Variants in STRN observed in about 807,000 individuals in gnomAD.
STRN encodes the protein striatin, also known as protein phosphatase 2 regulatory subunit B'''alpha.
STRN carries 53 observed loss-of-function variants against 96.3 expected under a neutral mutation model. The ratio of observed to expected loss-of-function variants is 0.55; its 90% CI spans 0.44 to 0.69. The LOEUF is 0.69. Among genes scored for constraint, STRN ranks in the 30% least tolerant of loss-of-function variants. The pLI is 0.00. For missense variants in STRN, 987 were observed against 963.9 expected (o/e 1.02, Z -0.32); for synonymous variants, 428 against 355.9 (o/e 1.20, Z -2.28).
At chr2:36,932,317 G>A (rs1670596715) in intron 1 of STRN, among the ~76,000 whole-genome samples, 1 of 151,828 alleles carries the variant, frequency 6.6e-6, no homozygotes, top group African/African-American at 2.4e-5. Context: ...ACTGCGTCTG[G>A]CTAATTTTTG....
intron 8 of STRN, among the ~76,000 whole-genome samples, chr2:36,885,933 T>C (rs1256851864): frequency 6.6e-6 from 1 of 152,106 alleles, no homozygotes; most frequent in Non-Finnish European, 1.5e-5. Flanking sequence ...TAATTTAGCC[T>C]TGTTCCCCTA....
rs1340348722 is a variant in STRN, at chr2:36,842,024, CT to C, written c.*7431del. ...AAATAAACTGTTTCTGATAAAATTA[CT>C]TTTGCTCTAAGTTAATTTTGTTTAT... On this transcript the variant is annotated 3_prime_UTR_variant, in exon 18 of 18. Transcript: ENST00000263918. 6.6e-6 allele frequency: 1 copy of C among 152,194 alleles called. No individual in the cohort carries two copies. The highest frequency in any genetic ancestry group is 1.5e-5 in the Non-Finnish European group (1 of 68,044). 9.4% of individuals were successfully genotyped at this position (152,194 alleles called of 1,614,324 possible).
intron 3 of STRN, among the ~76,000 whole-genome samples, chr2:36,915,208 A>C (rs1670060950): frequency 7.1e-6 from 1 of 141,434 alleles, no homozygotes; most frequent in Non-Finnish European, 1.5e-5. Context: ...AAAAAAAAAA[A>C]AGGAAATTTA....
intron 1 of STRN, among the ~76,000 whole-genome samples, chr2:36,935,931 A>G (rs1195079755): frequency 6.6e-5 from 10 of 152,198 alleles, no homozygotes. Context: ...TGGCTATGAA[A>G]TGTGAATTAG....
At chr2:36,874,587 G>C (rs1244125933) in intron 10 of STRN, among the ~76,000 whole-genome samples, 1 of 151,556 alleles carries the variant, frequency 6.6e-6, no homozygotes, top group Non-Finnish European at 1.5e-5. Flanking sequence ...ACAAACCTTG[G>C]CTAAAAAAAT....
chr2:36,857,722 C>T, intron 14 of STRN, 134 bp downstream of exon 14: 1 of 746,480 alleles, frequency 1.3e-6, no homozygotes, highest in Non-Finnish European at 2.0e-6. Flanking sequence ...GAAATTCAAA[C>T]AAATACACTT....
At chr2:36,903,287 G>A (rs947102244) in intron 4 of STRN, among the ~76,000 whole-genome samples, 5 of 152,172 alleles carry the variant, frequency 3.3e-5, no homozygotes, top group African/African-American at 9.7e-5. Flanking sequence ...TAGGGGGTGT[G>A]TGTACACATG....
intron 1 of STRN, among the ~76,000 whole-genome samples, chr2:36,938,444 G>A (rs1444287123): frequency 2.7e-5 from 4 of 150,826 alleles, no homozygotes; most frequent in Admixed American, 1.3e-4. Flanking sequence ...AAAAAAAAAA[G>A]AGTTTAAGAA....
At chr2:36,965,749 C>T (rs1414867781) in intron 1 of STRN, among the ~76,000 whole-genome samples, 1 of 152,228 alleles carries the variant, frequency 6.6e-6, no homozygotes, top group Non-Finnish European at 1.5e-5. Flanking sequence ...CGCCTCGACT[C>T]AAGGCCTGAC....
intron 1 of STRN, among the ~76,000 whole-genome samples, chr2:36,965,065 C>A (rs1325879916): frequency 3.3e-5 from 5 of 152,182 alleles, no homozygotes; most frequent in South Asian, 2.1e-4. Flanking sequence ...TCCACTACAC[C>A]AGAGCCTGTT....
At chr2:36,893,863 T>G in intron 7 of STRN, 35 bp downstream of exon 7, 1 of 1,563,130 alleles carries the variant, frequency 6.4e-7, no homozygotes, top group Non-Finnish European at 8.6e-7. Flanking sequence ...TTTATTTACT[T>G]AACATCTCTG....
chr2:36,905,440 G>C, intron 4 of STRN, 100 bp downstream of exon 4: 1 of 1,049,034 alleles, frequency 9.5e-7, no homozygotes. Context: ...ATCTGTATGA[G>C]ATAAAATATT....
chr2:36,898,515 G>C (rs1450746647), intron 6 of STRN, among the ~76,000 whole-genome samples: 2 of 152,208 alleles, frequency 1.3e-5, no homozygotes, highest in Admixed American at 6.5e-5. Flanking sequence ...GAAGCAGAAG[G>C]CATAAAACAC....
chr2:36,869,535 T>G lies in STRN; in HGVS notation c.1499+19A>C, dbSNP rs1412026236. The G allele has an allele frequency of 2.0e-6, 3 of 1,484,568 alleles. No individual in the cohort carries two copies. Among genetic ancestry groups the G allele is most frequent in the Non-Finnish European group, 2.7e-6 (3 of 1,110,264 alleles). 92.0% of individuals were successfully genotyped at this position (1,484,568 alleles called of 1,614,324 possible). A position where few individuals can be genotyped will look rare whatever the true frequency, so the allele number is the denominator to read the frequency against. The stretch of plus-strand genomic sequence containing the variant: ...GTTACTTAAAATATTCAAATAATGT[T>G]AAAGTAGAATATTCTCACTTTTTGG... On this transcript the variant is annotated intron_variant, in intron 11 of 17. Transcript: ENST00000263918.
At chr2:36,854,411 T>C (rs1668293829) in intron 15 of STRN, among the ~76,000 whole-genome samples, 1 of 152,208 alleles carries the variant, frequency 6.6e-6, no homozygotes, top group Non-Finnish European at 1.5e-5. Flanking sequence ...TCTCAGCATA[T>C]CAGAAGAAAA....
intron 1 of STRN, among the ~76,000 whole-genome samples, chr2:36,958,292 T>C (rs1265808296): frequency 6.6e-6 from 1 of 152,084 alleles, no homozygotes; most frequent in Non-Finnish European, 1.5e-5. Context: ...CACGTCGTCA[T>C]GAACAAGAAC....
rs373395617 is a variant in STRN at position 36,962,381 on chromosome 2, G to A, written c.234+3849C>T. ...ACACCACACACATATCAAAATCTAG[G>A]GCCAACATTTTTTATTTTTTATTTA... On this transcript the variant is annotated intron_variant, in intron 1 of 17. Transcript: ENST00000263918. Among the ~76,000 whole-genome samples the A allele has an allele frequency of 5.3e-5, 8 of 151,828 alleles. No individual in the cohort carries two copies. The East Asian group carries it at 7.7e-4, about 15-fold the overall frequency.
chr2:36,959,975 A>C (rs144486198), intron 1 of STRN, among the ~76,000 whole-genome samples: 57 of 152,278 alleles, frequency 3.7e-4, no homozygotes, highest in Non-Finnish European at 6.9e-4. Flanking sequence ...GAGACAAATA[A>C]TAGGATACGT....
chr2:36,934,920 A>AT (rs1670665167), intron 1 of STRN, among the ~76,000 whole-genome samples: 1 of 152,202 alleles, frequency 6.6e-6, no homozygotes, highest in Non-Finnish European at 1.5e-5. Context: ...TCTACTGAAA[A>AT]TACAAAAATT....
Sources: gnomAD v4.1 joint callset for allele counts (sites outside exome capture counted in the v4.1 genomes callset) on GRCh38, gnomAD v4.1.1 for gene constraint, MANE v1.5 for transcripts, NCBI Gene and HGNC (gene_info 2026-07-23, HGNC 2026-07-21) for gene names.